The following KRTAP1-3 variants were observed in gnomAD, a reference collection of about 807,000 sequenced individuals.
KRTAP1-3 encodes the protein keratin-associated protein 1-3.
In KRTAP1-3, 10 loss-of-function variants were observed where a neutral mutation model predicts 11.8. The observed-to-expected ratio is 0.85, with a 90% CI of 0.52 to 1.44. The LOEUF (loss-of-function observed/expected upper bound fraction) is 1.44. Ranked by LOEUF, KRTAP1-3 falls within the 40% of genes most tolerant of loss-of-function variation. KRTAP1-3 has a pLI of 0.00. For missense variants in KRTAP1-3, 176 were observed against 217.2 expected (o/e 0.81, Z 1.19); for synonymous variants, 74 against 77.3 (o/e 0.96, Z 0.23).
At position 41,034,645 on chromosome 17, in the gene KRTAP1-3, A is replaced by G. The variant is rs879229123; in HGVS notation, c.177T>C (p.Ser59=). The change falls in exon 1 of 1, where the codon AGT becomes AGC. Residue 59 remains serine, a synonymous_variant. Transcript: ENST00000344363. ...SFSTSGTCSS[S]CCQPSCCETS... ...TCTCACAGCAGCTTGGCTGGCAGCA[A>G]CTGGAGCTGCAGGTCCCACTAGTTG... 6.6e-7 allele frequency: 1 copy of G among 1,516,290 alleles called. No individual in the cohort carries two copies. The highest frequency in any genetic ancestry group is 8.8e-7 in the Non-Finnish European group (1 of 1,130,212). 93.9% of individuals were successfully genotyped at this position (1,516,290 alleles called of 1,614,324 possible).
At position 41,034,426 on chromosome 17, in the gene KRTAP1-3, G is replaced by C. The variant is rs1490512877; in HGVS notation, c.396C>G (p.Thr132=). Residue 132 remains threonine, a synonymous_variant, in exon 1 of 1, where the codon ACC becomes ACG. Transcript: ENST00000344363. Reference sequence around the variant, plus strand: ...CCTCGGCGTGGTGCAGCTGGCAGCAGGTTGGGGGTGTGCAGCTCACCACAC... The same window carrying C: ...CCTCGGCGTGGTGCAGCTGGCAGCACGTTGGGGGTGTGCAGCTCACCACAC... The part of the protein sequence containing the change: ...PCCVVSCTPP[T]CCQLHHAEAS... The C allele has an allele frequency of 6.2e-7, 1 of 1,613,832 alleles. No individual in the cohort carries two copies. Among genetic ancestry groups the C allele is most frequent in the Non-Finnish European group, 8.5e-7 (1 of 1,179,994 alleles).
In KRTAP1-3 at chr17:41,034,117, G is replaced by A. The variant is rs17843049; in HGVS notation, c.*201C>T. On this transcript the variant is annotated 3_prime_UTR_variant, in exon 1 of 1. Transcript: ENST00000344363. ...TCTTGGGTCAAATTTGTATTTTGGCGTCCTCAGAGAGAAGAGTAAGGTCTT... is the reference window on the plus strand; with the variant it reads ...TCTTGGGTCAAATTTGTATTTTGGCATCCTCAGAGAGAAGAGTAAGGTCTT... The A allele has an allele frequency of 0.04, 28,438 of 709,724 alleles. 1,660 individuals are homozygous for A. The highest frequency in any genetic ancestry group is 0.17 in the East Asian group (5,936 of 34,078). 44.0% of individuals were successfully genotyped at this position (709,724 alleles called of 1,614,324 possible).
chr17:41,034,400 G>A lies in KRTAP1-3; in HGVS notation c.422C>T (p.Ala141Val). The A allele has an allele frequency of 6.2e-7, 1 of 1,613,256 alleles. No individual in the cohort carries two copies. Among genetic ancestry groups the A allele is most frequent in the Non-Finnish European group, 8.5e-7 (1 of 1,179,522 alleles). ...PTCCQLHHAE[A>V]SCCRPSYCGQ... ...ACAGTAGGATGGGCGGCAGCAGGAG[G>A]CCTCGGCGTGGTGCAGCTGGCAGCA... The change falls in exon 1 of 1, where the codon GCC becomes GTC. Residue 141 changes from alanine (A) to valine (V), a missense_variant. Transcript: ENST00000344363.
chr17:41,034,506 T>C lies in KRTAP1-3; in HGVS notation c.316A>G (p.Ile106Val), dbSNP rs62622847. 0.17 allele frequency: 279,034 copies of C among 1,612,142 alleles called. 25,465 individuals are homozygous for C. The highest frequency in any genetic ancestry group is 0.28 in the Admixed American group (16,861 of 59,820). The change falls in exon 1 of 1, where the codon ATC becomes GTC. Residue 106 changes from isoleucine (I) to valine (V), a missense_variant. Ile to Val is a conservative substitution (Grantham distance 29, BLOSUM62 3). Coordinates refer to ENST00000344363, the MANE Select transcript of KRTAP1-3 (RefSeq NM_030966.2). ...CGGCAGTCTGGGCGGCACCACCTGATACGGGTGCTCACAGCTCCACTGCTG... is the reference window on the plus strand; with the variant it reads ...CGGCAGTCTGGGCGGCACCACCTGACACGGGTGCTCACAGCTCCACTGCTG... ...EGSSGAVSTR[I>V]RWCRPDCRVE...
Position 41,033,924 on chromosome 17 carries a change from A to G in KRTAP1-3, c.*394T>C, listed in dbSNP as rs137921045. On this transcript the variant is annotated 3_prime_UTR_variant, in exon 1 of 1. Coordinates refer to ENST00000344363, the MANE Select transcript of KRTAP1-3 (RefSeq NM_030966.2). ...GTTAAAATTTATTAGACCTTGGTAT[A>G]TTATTCCTCTTTCATAGGGGGTGCA... The G allele has an allele frequency of 0.028, 5,756 of 207,470 alleles. 379 individuals are homozygous for G. The highest frequency in any genetic ancestry group is 0.12 in the African/African-American group (5,378 of 43,440). 12.9% of individuals were successfully genotyped at this position (207,470 alleles called of 1,614,324 possible).
At position 41,034,785 on chromosome 17, in the gene KRTAP1-3, T is replaced by G. The variant is rs987282732; in HGVS notation, c.37A>C (p.Ser13Arg). 21 of 1,612,116 alleles carry G rather than the reference T, an allele frequency of 1.3e-5. No homozygotes were observed. The highest frequency in any genetic ancestry group is 1.7e-5 in the Admixed American group (1 of 59,790). The change falls in exon 1 of 1, where the codon AGC (serine) becomes CGC (arginine). Residue 13 changes from serine (S) to arginine (R), a missense_variant. By Grantham distance (110) the Ser-to-Arg change is moderately radical. Transcript: ENST00000344363. ...CCGCATGTCCCACTGGTGGAGCAGCTGGGATATCCACAGAAGCTGGTCTGG... is the reference window on the plus strand; with the variant it reads ...CCGCATGTCCCACTGGTGGAGCAGCGGGGATATCCACAGAAGCTGGTCTGG... Reference protein sequence around the residue: ...CCQTSFCGYPSCSTSGTCGSS... With the variant: ...CCQTSFCGYPRCSTSGTCGSS...
rs145245465 is a variant in KRTAP1-3, at chr17:41,033,907, T to G, written c.*411A>C. ...TGTTTGTTGCACCAATAGTTAAAATTTATTAGACCTTGGTATATTATTCCT... is the reference window on the plus strand; with the variant it reads ...TGTTTGTTGCACCAATAGTTAAAATGTATTAGACCTTGGTATATTATTCCT... On this transcript the variant is annotated 3_prime_UTR_variant, in exon 1 of 1. Coordinates refer to ENST00000344363, the MANE Select transcript of KRTAP1-3 (RefSeq NM_030966.2). The G allele has an allele frequency of 7.1e-3, 1,328 of 186,502 alleles. 26 individuals carry two copies. Among genetic ancestry groups the G allele is most frequent in the African/African-American group, 0.03 (1,281 of 42,804 alleles). 11.6% of individuals were successfully genotyped at this position (186,502 alleles called of 1,614,324 possible).
chr17:41,034,454 C>T lies in KRTAP1-3; in HGVS notation c.368G>A (p.Cys123Tyr), dbSNP rs1165002111. Residue 123 changes from cysteine (C) to tyrosine (Y), a missense_variant, in exon 1 of 1, where the codon TGC (cysteine) becomes TAC (tyrosine). Coordinates refer to ENST00000344363, the MANE Select transcript of KRTAP1-3 (RefSeq NM_030966.2). The stretch of plus-strand genomic sequence containing the variant: ...TGGGGGTGTGCAGCTCACCACACAG[C>T]AGGGGGGCAGGCAGGTACCCTCCAC... The part of the protein sequence containing the change: ...CRVEGTCLPP[C>Y]CVVSCTPPTC... 1.2e-6 allele frequency: 2 copies of T among 1,613,626 alleles called. No individual in the cohort carries two copies. Among genetic ancestry groups the T allele is most frequent in the East Asian group, 2.2e-5 (1 of 44,898 alleles).
At position 41,034,665 on chromosome 17, in the gene KRTAP1-3, T is replaced by G; in HGVS notation, c.157A>C (p.Ser53Arg). ...SFCGFPSFST[S>R]GTCSSSCCQP... ...CAGCAACTGGAGCTGCAGGTCCCAC[T>G]AGTTGAGAAGCTAGGAAATCCGCAG... Residue 53 changes from serine to arginine, a missense_variant, in exon 1 of 1, where the codon AGT (serine) becomes CGT (arginine). Transcript: ENST00000344363. 1 of 1,479,452 alleles carries G rather than the reference T, an allele frequency of 6.8e-7. No homozygotes were observed. The highest frequency in any genetic ancestry group is 9.0e-7 in the Non-Finnish European group (1 of 1,107,840). 91.6% of individuals were successfully genotyped at this position (1,479,452 alleles called of 1,614,324 possible). A position where few individuals can be genotyped will look rare whatever the true frequency, so the allele number is the denominator to read the frequency against.
At position 41,034,386 on chromosome 17, in the gene KRTAP1-3, G is replaced by T; in HGVS notation, c.436C>A (p.Pro146Thr). ...CAGCAGGACTGTCCACAGTAGGATG[G>T]GCGGCAGCAGGAGGCCTCGGCGTGG... ...LHHAEASCCRPSYCGQSCCRP... is the reference protein window; with the variant it reads ...LHHAEASCCRTSYCGQSCCRP... Residue 146 changes from proline to threonine, a missense_variant, in exon 1 of 1, where the codon CCA becomes ACA. Pro to Thr is a conservative substitution (Grantham distance 38, BLOSUM62 -1). Transcript: ENST00000344363. The T allele has an allele frequency of 6.2e-7, 1 of 1,612,388 alleles. No individual in the cohort carries two copies. Among genetic ancestry groups the T allele is most frequent in the Non-Finnish European group, 8.5e-7 (1 of 1,179,024 alleles).
In KRTAP1-3 at chr17:41,033,972, G is replaced by T. The variant is rs376073623; in HGVS notation, c.*346C>A. 6.6e-5 allele frequency: 20 copies of T among 303,450 alleles called. No homozygotes were observed. In the South Asian group the frequency reaches 9.2e-4, roughly 14 times the overall value. The allele number at this position is 303,450 out of a possible 1,614,324, so 18.8% of individuals were successfully genotyped here. A position where few individuals can be genotyped will look rare whatever the true frequency, so the allele number is the denominator to read the frequency against. ...GCAATTTGCAGGACGGTGGGATACA[G>T]GAAGTGAGTGTCCTGAGAAGGACAG... On this transcript the variant is annotated 3_prime_UTR_variant, in exon 1 of 1. Coordinates refer to ENST00000344363, the MANE Select transcript of KRTAP1-3 (RefSeq NM_030966.2).
In KRTAP1-3 at chr17:41,034,232, G is replaced by A. The variant is rs961380675; in HGVS notation, c.*86C>T. On this transcript the variant is annotated 3_prime_UTR_variant, in exon 1 of 1. Coordinates refer to ENST00000344363, the MANE Select transcript of KRTAP1-3 (RefSeq NM_030966.2). ...CAAAGAAAGGTTGAAGAATTTGTTCGTTGTCCATAAGTGCTTGAAGAAATA... is the reference window on the plus strand; with the variant it reads ...CAAAGAAAGGTTGAAGAATTTGTTCATTGTCCATAAGTGCTTGAAGAAATA... 5.3e-5 allele frequency: 78 copies of A among 1,470,562 alleles called. No individual in the cohort carries two copies. In the East Asian group the frequency reaches 6.2e-4, roughly 12 times the overall value. 91.1% of individuals were successfully genotyped at this position (1,470,562 alleles called of 1,614,324 possible).
In KRTAP1-3 at chr17:41,034,114, G is replaced by T; in HGVS notation, c.*204C>A. The stretch of plus-strand genomic sequence containing the variant: ...ATTTCTTGGGTCAAATTTGTATTTT[G>T]GCGTCCTCAGAGAGAAGAGTAAGGT... On this transcript the variant is annotated 3_prime_UTR_variant, in exon 1 of 1. Coordinates refer to ENST00000344363, the MANE Select transcript of KRTAP1-3 (RefSeq NM_030966.2). 1 of 687,978 alleles carries T rather than the reference G, an allele frequency of 1.5e-6. No individual in the cohort carries two copies. Among genetic ancestry groups the T allele is most frequent in the Non-Finnish European group, 2.2e-6 (1 of 446,908 alleles). The allele number at this position is 687,978 out of a possible 1,614,324, so 42.6% of individuals were successfully genotyped here. A position where few individuals can be genotyped will look rare whatever the true frequency, so the allele number is the denominator to read the frequency against.
At position 41,034,655 on chromosome 17, in the gene KRTAP1-3, C is replaced by T; in HGVS notation, c.167G>A (p.Cys56Tyr). The T allele has an allele frequency of 1.3e-6, 2 of 1,512,516 alleles. No individual in the cohort carries two copies. Among genetic ancestry groups the T allele is most frequent in the South Asian group, 1.4e-5 (1 of 70,852 alleles). The allele number at this position is 1,512,516 out of a possible 1,614,324, so 93.7% of individuals were successfully genotyped here. Residue 56 changes from cysteine to tyrosine, a missense_variant, in exon 1 of 1, where the codon TGC (cysteine) becomes TAC (tyrosine). By Grantham distance (194) the Cys-to-Tyr change is radical. Transcript: ENST00000344363. ...GCTTGGCTGGCAGCAACTGGAGCTG[C>T]AGGTCCCACTAGTTGAGAAGCTAGG... ...GFPSFSTSGT[C>Y]SSSCCQPSCC...
chr17:41,034,672 G>A lies in KRTAP1-3; in HGVS notation c.150C>T (p.Phe50=). ...TGGAGCTGCAGGTCCCACTAGTTGAGAAGCTAGGAAATCCGCAGAAGCTGG... is the reference window on the plus strand; with the variant it reads ...TGGAGCTGCAGGTCCCACTAGTTGAAAAGCTAGGAAATCCGCAGAAGCTGG... ...CQTSFCGFPS[F]STSGTCSSSC... is the part of the protein sequence containing the mutation. Residue 50 remains phenylalanine (F), a synonymous_variant, in exon 1 of 1, where the codon TTC becomes TTT. Coordinates refer to ENST00000344363, the MANE Select transcript of KRTAP1-3 (RefSeq NM_030966.2). 6.8e-7 allele frequency: 1 copy of A among 1,479,134 alleles called. No individual in the cohort carries two copies. The highest frequency in any genetic ancestry group is 9.0e-7 in the Non-Finnish European group (1 of 1,107,354). 91.6% of individuals were successfully genotyped at this position (1,479,134 alleles called of 1,614,324 possible). A position where few individuals can be genotyped will look rare whatever the true frequency, so the allele number is the denominator to read the frequency against.
chr17:41,034,745 T>C lies in KRTAP1-3; in HGVS notation c.77A>G (p.Gln26Arg). ...GCAGCTGGTCTCACAGCAGCTTGGC[T>C]GGCAGCAGCTGGAGCCGCATGTCCC... Reference protein sequence around the residue: ...TSGTCGSSCCQPSCCETSCCQ... With the variant: ...TSGTCGSSCCRPSCCETSCCQ... Residue 26 changes from glutamine (Q) to arginine (R), a missense_variant, in exon 1 of 1, where the codon CAG becomes CGG. Physicochemically the swap from Gln to Arg is conservative, Grantham distance 43 (BLOSUM62 1). Coordinates refer to ENST00000344363, the MANE Select transcript of KRTAP1-3 (RefSeq NM_030966.2). 6.2e-7 allele frequency: 1 copy of C among 1,609,324 alleles called. No individual in the cohort carries two copies. The highest frequency in any genetic ancestry group is 8.5e-7 in the Non-Finnish European group (1 of 1,177,512).
chr17:41,034,278 G>T lies in KRTAP1-3; in HGVS notation c.*40C>A. On this transcript the variant is annotated 3_prime_UTR_variant, in exon 1 of 1. Coordinates refer to ENST00000344363, the MANE Select transcript of KRTAP1-3 (RefSeq NM_030966.2). ...AAATAATTCGTTCATGAATGGAACT[G>T]AAAGTGGAAATTTCAAGTTGAAAAT... 1 of 1,526,594 alleles carries T rather than the reference G, an allele frequency of 6.6e-7. No homozygotes were observed. The highest frequency in any genetic ancestry group is 8.8e-7 in the Non-Finnish European group (1 of 1,137,222). 94.6% of individuals were successfully genotyped at this position (1,526,594 alleles called of 1,614,324 possible). A position where few individuals can be genotyped will look rare whatever the true frequency, so the allele number is the denominator to read the frequency against.
In KRTAP1-3 at chr17:41,034,516, C is replaced by T. The variant is rs1410818759; in HGVS notation, c.306G>A (p.Val102=). Residue 102 remains valine (V), a synonymous_variant, in exon 1 of 1, where the codon GTG becomes GTA. Transcript: ENST00000344363. ...GGCGGCACCACCTGATACGGGTGCT[C>T]ACAGCTCCACTGCTGCCCTCCTGGC... ...GYGQEGSSGA[V]STRIRWCRPD... is the part of the protein sequence containing the mutation. 1.9e-6 allele frequency: 3 copies of T among 1,611,660 alleles called. No homozygotes were observed. Among genetic ancestry groups the T allele is most frequent in the Admixed American group, 3.3e-5 (2 of 59,848 alleles).
In KRTAP1-3 at chr17:41,034,703, C is replaced by G; in HGVS notation, c.119G>C (p.Cys40Ser). The part of the protein sequence containing the change: ...CETSCCQPSC[C>S]QTSFCGFPSF... ...AGGAAATCCGCAGAAGCTGGTCTGG[C>G]AGCAGCTTGGCTGGCAGCAGCTGGT... Residue 40 changes from cysteine to serine, a missense_variant, in exon 1 of 1, where the codon TGC becomes TCC. Coordinates refer to ENST00000344363, the MANE Select transcript of KRTAP1-3 (RefSeq NM_030966.2). The G allele has an allele frequency of 1.2e-6, 2 of 1,610,586 alleles. No homozygotes were observed. Among genetic ancestry groups the G allele is most frequent in the Non-Finnish European group, 1.7e-6 (2 of 1,178,422 alleles).
Sources: gnomAD v4.1 joint callset for allele counts on GRCh38, gnomAD v4.1.1 for gene constraint, MANE v1.5 for transcripts, NCBI Gene and HGNC (gene_info 2026-07-23, HGNC 2026-07-21) for gene names.